SPMIP2: variants seen among roughly 807,000 people sequenced by gnomAD.
The protein encoded by SPMIP2 is protein SPMIP2.
At chr4:158,924,484 A>T in the SPMIP2 span, among the ~76,000 whole-genome samples, 1 of 152,088 alleles carries the variant, frequency 6.6e-6, no homozygotes, top group Non-Finnish European at 1.5e-5. Context: ...GGTTCAAGTG[A>T]TTCTCCTGCC....
chr4:159,068,947 GCA>G, the SPMIP2 span, among the ~76,000 whole-genome samples: 1 of 152,128 alleles, frequency 6.6e-6, no homozygotes, highest in African/African-American at 2.4e-5. Flanking sequence ...ACATCTCTGA[GCA>G]CATCTTTCAT....
chr4:158,918,513 T>C, the SPMIP2 span, among the ~76,000 whole-genome samples: 2 of 152,252 alleles, frequency 1.3e-5, no homozygotes, highest in African/African-American at 4.8e-5. Flanking sequence ...TCACCTTTTC[T>C]TTAACATGTT....
chr4:158,944,317 G>C, the SPMIP2 span, among the ~76,000 whole-genome samples: 405 of 151,870 alleles, frequency 2.7e-3, no homozygotes, highest in African/African-American at 9.4e-3. Flanking sequence ...GTCTTGGTGA[G>C]ACAGACTGGC....
chr4:158,921,230 G>A, the SPMIP2 span, among the ~76,000 whole-genome samples: 61 of 152,188 alleles, frequency 4.0e-4, no homozygotes, highest in Middle Eastern at 3.4e-3. Flanking sequence ...CCAGAGGTCC[G>A]GAGTACAAGA....
the SPMIP2 span, among the ~76,000 whole-genome samples, chr4:159,015,448 G>T: frequency 6.6e-6 from 1 of 152,162 alleles, no homozygotes; most frequent in East Asian, 1.9e-4. Context: ...ATTTTCAGGT[G>T]CAGCAAACCA....
chr4:159,001,917 G>A, the SPMIP2 span, among the ~76,000 whole-genome samples: 1 of 152,162 alleles, frequency 6.6e-6, no homozygotes, highest in African/African-American at 2.4e-5. Context: ...TTGAGGAAGC[G>A]CCACCCTGCT....
At chr4:159,014,790 A>G in the SPMIP2 span, among the ~76,000 whole-genome samples, 1 of 152,112 alleles carries the variant, frequency 6.6e-6, no homozygotes. Flanking sequence ...CATAAAATAC[A>G]CTAACACTAA....
At chr4:158,920,512 C>T in the SPMIP2 span, among the ~76,000 whole-genome samples, 36 of 152,212 alleles carry the variant, frequency 2.4e-4, no homozygotes, top group Admixed American at 7.2e-4. Context: ...GATCTATAAA[C>T]GGCCACTCTG....
At chr4:159,032,528 T>C in the SPMIP2 span, among the ~76,000 whole-genome samples, 1 of 152,186 alleles carries the variant, frequency 6.6e-6, no homozygotes, top group East Asian at 1.9e-4. Context: ...ACTATGTAAA[T>C]ACATAAAACT....
the SPMIP2 span, among the ~76,000 whole-genome samples, chr4:159,045,105 A>T: frequency 1.3e-5 from 2 of 152,168 alleles, no homozygotes. Flanking sequence ...AAGAAAAAAA[A>T]AAAAAGAAGT....
At chr4:158,984,616 G>C in the SPMIP2 span, among the ~76,000 whole-genome samples, 2 of 151,718 alleles carry the variant, frequency 1.3e-5, no homozygotes, top group African/African-American at 4.8e-5. Flanking sequence ...CAGAATCTCT[G>C]GGACACATTC....
At chr4:158,957,657 C>T in the SPMIP2 span, among the ~76,000 whole-genome samples, 1 of 152,110 alleles carries the variant, frequency 6.6e-6, no homozygotes, top group South Asian at 2.1e-4. Flanking sequence ...AACTCTTGAC[C>T]TCAAGTGATC....
the SPMIP2 span, among the ~76,000 whole-genome samples, chr4:159,064,646 C>A: frequency 1.7e-4 from 26 of 152,232 alleles, no homozygotes; most frequent in East Asian, 4.0e-3. Context: ...TTTCCTCTCC[C>A]AAATTCTATT....
the SPMIP2 span, among the ~76,000 whole-genome samples, chr4:158,945,105 C>T: frequency 2.5e-3 from 374 of 152,268 alleles, 1 homozygote; most frequent in African/African-American, 8.7e-3. Context: ...TCTGGCAGCA[C>T]GCTATGACAC....
At chr4:158,953,976 C>G in the SPMIP2 span, among the ~76,000 whole-genome samples, 3 of 152,154 alleles carry the variant, frequency 2.0e-5, no homozygotes. Context: ...GGCTCATAGG[C>G]AGAAGGGACT....
the SPMIP2 span, among the ~76,000 whole-genome samples, chr4:158,958,355 C>G: frequency 6.6e-6 from 1 of 152,266 alleles, no homozygotes; most frequent in South Asian, 2.1e-4. Flanking sequence ...GACTCAAACT[C>G]CTGACCTCAA....
At chr4:158,897,883 T>C in the SPMIP2 span, among the ~76,000 whole-genome samples, 6 of 152,258 alleles carry the variant, frequency 3.9e-5, no homozygotes, top group African/African-American at 9.6e-5. Flanking sequence ...TTACCATTGC[T>C]TTTGGTGTTT....
At chr4:159,033,075 CA>C in the SPMIP2 span, among the ~76,000 whole-genome samples, 1 of 152,022 alleles carries the variant, frequency 6.6e-6, no homozygotes, top group Non-Finnish European at 1.5e-5. Context: ...AAGGGATGAA[CA>C]AATTGTGACA....
chr4:158,996,147 A>G, the SPMIP2 span, among the ~76,000 whole-genome samples: 2 of 152,212 alleles, frequency 1.3e-5, no homozygotes, highest in Admixed American at 1.3e-4. Flanking sequence ...CTGCTTGCTC[A>G]TTAAATTTGC....
Sources: gnomAD v4.1 joint callset for allele counts (sites outside exome capture counted in the v4.1 genomes callset) on GRCh38, gnomAD v4.1.1 for gene constraint, MANE v1.5 for transcripts, NCBI Gene and HGNC (gene_info 2026-07-23, HGNC 2026-07-21) for gene names.